The following BAZ1B variants were observed in gnomAD, a reference collection of about 807,000 sequenced individuals.
BAZ1B encodes bromodomain adjacent to zinc finger domain 1B.
In BAZ1B, 22 loss-of-function variants were observed where a neutral mutation model predicts 153.8. The ratio of observed to expected loss-of-function variants is 0.14; its 90% CI spans 0.10 to 0.20. BAZ1B has a LOEUF of 0.20. BAZ1B is among the 10% of genes least tolerant of loss of function. The pLI, the probability that BAZ1B is intolerant of heterozygous loss-of-function variation, is 1.00. For missense variants in BAZ1B, 1,325 were observed against 1,799.3 expected, an observed-to-expected ratio of 0.74 and a Z score of 4.77; for synonymous variants, 676 against 633.4, an observed-to-expected ratio of 1.07 and a Z score of -1.01.
chr7:73,466,355 A>G lies in BAZ1B; in HGVS notation c.2913T>C (p.His971=), dbSNP rs377609754. Residue 971 remains histidine (H), a synonymous_variant, in exon 10 of 20, where the codon CAT becomes CAC. Coordinates refer to ENST00000339594, the MANE Select transcript of BAZ1B (RefSeq NM_032408.4). ...CTACAGCAACTTCTGTTGCTGTTCC[A>G]TGTTGTGTGTTCATGCTTGCATTTT... ...LGKNASMNTQ[H]GTATEVAVET... The G allele has an allele frequency of 6.2e-7, 1 of 1,613,846 alleles. No individual in the cohort carries two copies. Among genetic ancestry groups the G allele is most frequent in the African/African-American group, 1.3e-5 (1 of 74,912 alleles).
chr7:73,509,527 C>T (rs1206908776), intron 2 of BAZ1B, among the ~76,000 whole-genome samples: 2 of 152,052 alleles, frequency 1.3e-5, no homozygotes, highest in Non-Finnish European at 2.9e-5. Context: ...TGAGACCAGC[C>T]TGGCCAACAG....
intron 11 of BAZ1B, 152 bp from the exon 12 acceptor site, chr7:73,463,251 TTTTTTTC>T: frequency 2.6e-6 from 2 of 765,814 alleles, no homozygotes; most frequent in African/African-American, 3.7e-5. Context: ...TTTTTTTTTT[TTTTTTTC>T]CCCCGAGACA....
intron 13 of BAZ1B, among the ~76,000 whole-genome samples, chr7:73,453,261 A>G (rs1368106298): frequency 6.6e-6 from 1 of 152,258 alleles, no homozygotes; most frequent in African/African-American, 2.4e-5. Context: ...TTAGTAGGCA[A>G]CCTAGTTGAT....
rs116630029 is a variant in BAZ1B at position 73,445,300 on chromosome 7, G to A, written c.3845-1171C>T. Among the ~76,000 whole-genome samples the A allele has an allele frequency of 3.5e-3, 532 of 152,202 alleles. 5 individuals are homozygous for A. Among genetic ancestry groups the A allele is most frequent in the African/African-American group, 0.012 (510 of 41,472 alleles). ...ATAACCCTTTCTTGGCTACTTTAGC[G>A]TCTCTAGCTCAAGCCCAGGCTAGTA... On this transcript the variant is annotated intron_variant, in intron 16 of 19. Transcript: ENST00000339594.
At chr7:73,494,452 C>T (rs558273248) in intron 4 of BAZ1B, among the ~76,000 whole-genome samples, 5 of 152,064 alleles carry the variant, frequency 3.3e-5, no homozygotes, top group African/African-American at 9.7e-5. Flanking sequence ...CAATGCTAAA[C>T]ATCTGAATTA....
chr7:73,460,886 C>T (rs1788370602), intron 12 of BAZ1B, among the ~76,000 whole-genome samples: 4 of 150,870 alleles, frequency 2.7e-5, no homozygotes, highest in Non-Finnish European at 3.0e-5. Context: ...GAGTTTGAGG[C>T]TGCTGTCAGC....
At chr7:73,501,448 G>A (rs1210041447) in intron 3 of BAZ1B, among the ~76,000 whole-genome samples, 2 of 152,108 alleles carry the variant, frequency 1.3e-5, no homozygotes, top group Admixed American at 6.6e-5. Flanking sequence ...GTACAGTACA[G>A]GGGTAATTAT....
intron 1 of BAZ1B, among the ~76,000 whole-genome samples, chr7:73,519,738 G>T (rs931065573): frequency 6.6e-6 from 1 of 152,098 alleles, no homozygotes; most frequent in Admixed American, 6.6e-5. Flanking sequence ...AATATACTTA[G>T]AAATTGTCTC....
At chr7:73,510,265 T>C (rs946375366) in intron 2 of BAZ1B, among the ~76,000 whole-genome samples, 4 of 151,742 alleles carry the variant, frequency 2.6e-5, no homozygotes. Flanking sequence ...CCATCTCTAC[T>C]AAAACTACAA....
At chr7:73,480,527 C>T (rs1554573532) in intron 6 of BAZ1B, among the ~76,000 whole-genome samples, 1 of 152,152 alleles carries the variant, frequency 6.6e-6, no homozygotes, top group Non-Finnish European at 1.5e-5. Flanking sequence ...AAATACAGCC[C>T]ATTTCAGAAG....
chr7:73,508,250 T>C (rs1047961306), intron 3 of BAZ1B, 77 bp downstream of exon 3: 183 of 1,464,230 alleles, frequency 1.2e-4, no homozygotes, highest in South Asian at 1.4e-4. Context: ...TTTACACACA[T>C]AGAAATGTGT....
intron 11 of BAZ1B, among the ~76,000 whole-genome samples, chr7:73,463,872 T>A (rs1215349833): frequency 6.6e-6 from 1 of 152,166 alleles, no homozygotes; most frequent in African/African-American, 2.4e-5. Flanking sequence ...CATGCCTGGC[T>A]AATTTTTGTA....
At chr7:73,498,415 G>A in intron 4 of BAZ1B, 82 bp downstream of exon 4, 1 of 1,308,930 alleles carries the variant, frequency 7.6e-7, no homozygotes, top group Non-Finnish European at 1.1e-6. Context: ...ACATTTAGTT[G>A]CTAGAGAACC....
chr7:73,501,394 C>T (rs1380632138), intron 3 of BAZ1B, among the ~76,000 whole-genome samples: 1 of 152,202 alleles, frequency 6.6e-6, no homozygotes, highest in Admixed American at 6.5e-5. Flanking sequence ...TGTAGTCCAA[C>T]CACACTGATT....
At chr7:73,444,789 T>C (rs1344916399) in intron 16 of BAZ1B, among the ~76,000 whole-genome samples, 1 of 151,786 alleles carries the variant, frequency 6.6e-6, no homozygotes, top group African/African-American at 2.4e-5. Flanking sequence ...CTGAGGCAGG[T>C]GGATCACCTG....
intron 3 of BAZ1B, among the ~76,000 whole-genome samples, chr7:73,503,807 C>G (rs1790229528): frequency 6.6e-6 from 1 of 152,190 alleles, no homozygotes; most frequent in South Asian, 2.1e-4. Flanking sequence ...ACAGCCTCCA[C>G]CAAGACTCCC....
chr7:73,469,889 AT>A (rs139482107), intron 8 of BAZ1B, among the ~76,000 whole-genome samples: 1 of 152,272 alleles, frequency 6.6e-6, no homozygotes, highest in East Asian at 1.9e-4. Context: ...TCTTTTTTAA[AT>A]TGAAATGGGG....
intron 3 of BAZ1B, among the ~76,000 whole-genome samples, chr7:73,507,673 TA>T (rs1251546809): frequency 6.6e-6 from 1 of 152,206 alleles, no homozygotes; most frequent in African/African-American, 2.4e-5. Flanking sequence ...ATTACAATAC[TA>T]AAACATTCTC....
chr7:73,469,817 A>G (rs1352269435), intron 8 of BAZ1B, among the ~76,000 whole-genome samples, 167 bp from the exon 9 acceptor site: 1 of 152,222 alleles, frequency 6.6e-6, no homozygotes, highest in African/African-American at 2.4e-5. Flanking sequence ...AGGTAAATCA[A>G]AGTATACGAG....
Sources: allele counts gnomAD v4.1 joint callset (sites outside exome capture counted in the v4.1 genomes callset), GRCh38; gene constraint gnomAD v4.1.1; transcripts MANE v1.5; gene names NCBI Gene and HGNC (gene_info 2026-07-23, HGNC 2026-07-21).